TENM1: variants seen among roughly 807,000 people sequenced by gnomAD.
TENM1 encodes teneurin-1.
TENM1 carries 35 observed loss-of-function variants against 174.8 expected under a neutral mutation model. The ratio of observed to expected loss-of-function variants is 0.20; its 90% CI spans 0.15 to 0.27. The LOEUF (loss-of-function observed/expected upper bound fraction) is 0.27. Ranked by LOEUF, TENM1 falls within the 10% of genes least tolerant of loss-of-function variation. The probability of loss-of-function intolerance (pLI) is 1.00; values close to 1 mark genes in which losing one functional copy is unlikely to be tolerated. For synonymous variants in TENM1, 781 were observed against 798.7 expected (o/e 0.98, Z 0.37); for missense variants, 1,633 against 2,130.1 (o/e 0.77, Z 4.59).
intron 10 of TENM1, 138 bp downstream of exon 13, chrX:124,645,005 C>G (rs1267231248): frequency 1.9e-6 from 1 of 535,468 alleles, no homozygotes; most frequent in African/African-American, 2.3e-5. Flanking sequence ...GACCCAAACC[C>G]TCTGCTGCAT....
At chrX:124,775,182 T>C (rs776192961) in intron 3 of TENM1, among the ~76,000 whole-genome samples, 1 of 109,752 alleles carries the variant, frequency 9.1e-6, no homozygotes, top group Non-Finnish European at 1.9e-5. Flanking sequence ...GGCGTGCACC[T>C]GTAATCCCAG....
At chrX:124,539,599 T>G (rs2048276565) in intron 15 of TENM1, among the ~76,000 whole-genome samples, 1 of 112,120 alleles carries the variant, frequency 8.9e-6, no homozygotes. Context: ...TAGGATCTAT[T>G]GTTTTAAATG....
chrX:124,753,203 C>T (rs1313908968), intron 3 of TENM1, among the ~76,000 whole-genome samples: 14 of 110,055 alleles, frequency 1.3e-4, no homozygotes, highest in South Asian at 4.0e-4. Flanking sequence ...AGGTCCTTCA[C>T]GTCCCTTGTA....
chrX:124,875,963 T>TTATATA (rs771315006), intron 3 of TENM1, among the ~76,000 whole-genome samples: 2,106 of 105,457 alleles, frequency 0.02, 59 homozygotes, highest in African/African-American at 0.07. Context: ...TTCTAAGAAA[T>TTATATA]TATATATATA....
At chrX:125,001,811 T>A in the TENM1 span, among the ~76,000 whole-genome samples, 2 of 107,157 alleles carry the variant, frequency 1.9e-5, no homozygotes, top group Non-Finnish European at 3.9e-5. Context: ...CTACCTCTAG[T>A]ACAACAGTAG....
At chrX:125,177,905 G>A in the TENM1 span, among the ~76,000 whole-genome samples, 1 of 111,794 alleles carries the variant, frequency 8.9e-6, no homozygotes, top group Non-Finnish European at 1.9e-5. Context: ...TTTTGTAGTT[G>A]TTTTTCTTCC....
intron 3 of TENM1, among the ~76,000 whole-genome samples, chrX:124,864,636 AAG>A (rs1271823684): frequency 2.7e-5 from 3 of 111,392 alleles, no homozygotes; most frequent in Admixed American, 9.5e-5. Flanking sequence ...GGGCAAATCT[AAG>A]AGTTATTGGC....
At chrX:124,695,136 T>C (rs145928055) in intron 5 of TENM1, among the ~76,000 whole-genome samples, 2 of 111,274 alleles carry the variant, frequency 1.8e-5, no homozygotes, top group East Asian at 5.6e-4. Flanking sequence ...AGGCAGATAA[T>C]ATAAAAGAGT....
At position 124,646,188 on chromosome X, in the gene TENM1, G is replaced by A. The variant is rs201908878; in HGVS notation, c.1681+521C>T. ...TAAACTATGGGCAAGTCCAGGAAGAGTGAAGTTTGCTAAGTTTGACTTCTG... is the reference window on the plus strand; with the variant it reads ...TAAACTATGGGCAAGTCCAGGAAGAATGAAGTTTGCTAAGTTTGACTTCTG... On this transcript the variant is annotated intron_variant, in intron 9 of 31. Coordinates refer to ENST00000422452, the Ensembl canonical transcript of TENM1. 1.1e-4 allele frequency among the ~76,000 whole-genome samples: 12 copies of A among 112,461 alleles called. No homozygotes were observed. In the East Asian group the frequency reaches 2.2e-3, roughly 21 times the overall value.
At chrX:124,469,105 T>C (rs1365478112) in intron 22 of TENM1, among the ~76,000 whole-genome samples, 1 of 111,988 alleles carries the variant, frequency 8.9e-6, no homozygotes, top group African/African-American at 3.2e-5. Context: ...ATTTTTCCCC[T>C]TTAGTTGAAC....
At chrX:125,136,242 A>G in the TENM1 span, among the ~76,000 whole-genome samples, 26 of 111,136 alleles carry the variant, frequency 2.3e-4, no homozygotes, top group African/African-American at 7.2e-4. Context: ...ATGGAACAGA[A>G]AAGGCTTCTA....
the TENM1 span, among the ~76,000 whole-genome samples, chrX:125,161,555 G>T: frequency 9.0e-6 from 1 of 111,651 alleles, no homozygotes; most frequent in African/African-American, 3.3e-5. Flanking sequence ...CATATTGTAT[G>T]ATTCCATTTA....
At chrX:124,423,784 T>G (rs1392292447) in intron 23 of TENM1, among the ~76,000 whole-genome samples, 1 of 111,496 alleles carries the variant, frequency 9.0e-6, no homozygotes, top group African/African-American at 3.3e-5. Context: ...AGGCTGGGTG[T>G]GAGGGAGACC....
intron 3 of TENM1, among the ~76,000 whole-genome samples, chrX:124,770,252 C>T (rs2054622021): frequency 9.0e-6 from 1 of 111,260 alleles, no homozygotes; most frequent in Admixed American, 9.6e-5. Flanking sequence ...CTTTTCTCCC[C>T]ACCCACTTCA....
chrX:124,740,417 A>C (rs912681399), intron 3 of TENM1, among the ~76,000 whole-genome samples: 1 of 104,444 alleles, frequency 9.6e-6, no homozygotes, highest in Non-Finnish European at 1.9e-5. Flanking sequence ...ACTTCATTGA[A>C]AAGTGCAATC....
rs866996556 is a variant in TENM1, at chrX:124,463,876, T to G, written c.3950-10385A>C. On this transcript the variant is annotated intron_variant, in intron 22 of 31. Coordinates refer to ENST00000422452, the Ensembl canonical transcript of TENM1. ...GTGTGTGTGTGTGTGTGTGTGTGTG[T>G]GGAGAGAGAGAGAGAGAGATTGGGG... Among the ~76,000 whole-genome samples the G allele has an allele frequency of 5.5e-4, 50 of 91,670 alleles. No individual in the cohort carries two copies. In the South Asian group the frequency reaches 9.1e-3, roughly 17 times the overall value. The allele number at this position is 91,670 out of a possible 115,157, so 79.6% of individuals were successfully genotyped here.
At chrX:124,618,235 A>G (rs1312083412) in intron 11 of TENM1, among the ~76,000 whole-genome samples, 1 of 111,490 alleles carries the variant, frequency 9.0e-6, no homozygotes, top group East Asian at 2.8e-4. Flanking sequence ...CTTACAGATT[A>G]TCATACTCCA....
the TENM1 span, among the ~76,000 whole-genome samples, chrX:125,064,077 A>G: frequency 9.3e-6 from 1 of 107,258 alleles, no homozygotes; most frequent in African/African-American, 3.4e-5. Context: ...ACCAAACACC[A>G]CATGTTCTCA....
chrX:125,056,148 G>T, the TENM1 span, among the ~76,000 whole-genome samples: 1 of 109,852 alleles, frequency 9.1e-6, no homozygotes, highest in African/African-American at 3.4e-5. Flanking sequence ...ACCAAAACTT[G>T]GCAAGATTAT....
Sources: gnomAD v4.1 joint callset for allele counts (sites outside exome capture counted in the v4.1 genomes callset) on GRCh38, gnomAD v4.1.1 for gene constraint, MANE v1.5 for transcripts, NCBI Gene and HGNC (gene_info 2026-07-23, HGNC 2026-07-21) for gene names.